The following LRP1B variants were observed in gnomAD, a reference collection of about 807,000 sequenced individuals.
LRP1B encodes LDL receptor related protein 1B.
In LRP1B, 217 loss-of-function variants were observed where a neutral mutation model predicts 556.6. That is an observed-to-expected ratio of 0.39 (90% CI 0.35 to 0.44). The LOEUF (loss-of-function observed/expected upper bound fraction) is 0.44, where lower values mean the gene tolerates loss of function less well. Ranked by LOEUF, LRP1B falls within the 20% of genes least tolerant of loss-of-function variation. The pLI, the probability that LRP1B is intolerant of heterozygous loss-of-function variation, is 1.00. For missense variants in LRP1B, 5,053 were observed against 5,620.8 expected (o/e 0.90, Z 3.23); for synonymous variants, 2,047 against 1,865.8 (o/e 1.10, Z -2.50).
intron 35 of LRP1B, among the ~76,000 whole-genome samples, chr2:140,734,351 G>A (rs796926464): frequency 5.9e-5 from 9 of 152,270 alleles, no homozygotes; most frequent in African/African-American, 2.2e-4. Flanking sequence ...CTCAGAATGT[G>A]GCACAAGGAA....
chr2:140,325,871 A>G lies in LRP1B; in HGVS notation c.12231T>C (p.Ala4077=). 1 of 1,605,134 alleles carries G rather than the reference A, an allele frequency of 6.2e-7. No individual in the cohort carries two copies. The highest frequency in any genetic ancestry group is 2.2e-5 in the East Asian group (1 of 44,602). The change falls in exon 80 of 91, where the codon GCT becomes GCC. Residue 4077 remains alanine (A), a synonymous_variant. Transcript: ENST00000389484. ...ATATGCGTTCACTAAAATAATCCAC[A>G]GCCAAACCTGCAAAATCAACACACA... ...QKNLQRPTGL[A]VDYFSERIYW...
intron 53 of LRP1B, among the ~76,000 whole-genome samples, chr2:140,505,314 G>T (rs1689362699): frequency 6.6e-6 from 1 of 152,142 alleles, no homozygotes; most frequent in Non-Finnish European, 1.5e-5. Context: ...TCCAGGACTT[G>T]AACCCAGGCT....
At chr2:140,519,817 T>C (rs1185931277) in intron 49 of LRP1B, among the ~76,000 whole-genome samples, 1 of 152,124 alleles carries the variant, frequency 6.6e-6, no homozygotes, top group Non-Finnish European at 1.5e-5. Context: ...AAACAGACAC[T>C]TCTCCAAAGA....
intron 2 of LRP1B, among the ~76,000 whole-genome samples, chr2:141,653,005 T>TAATTTTCATAATACTTTATATAATA (rs1187663981): frequency 1.3e-5 from 2 of 152,192 alleles, no homozygotes; most frequent in African/African-American, 4.8e-5. Context: ...TTCTATATTT[T>TAATTTTCATAATACTTTATATAATA]AATTTTCATA....
intron 1 of LRP1B, among the ~76,000 whole-genome samples, chr2:141,817,389 T>C (rs1696597488): frequency 6.6e-6 from 1 of 152,130 alleles, no homozygotes. Context: ...AAGCATAGCC[T>C]ACACAGTTTA....
At chr2:140,942,326 T>G (rs915890474) in intron 20 of LRP1B, among the ~76,000 whole-genome samples, 2 of 152,130 alleles carry the variant, frequency 1.3e-5, no homozygotes, top group Non-Finnish European at 2.9e-5. Context: ...TCACTGGCAT[T>G]CCAGGGAGAC....
chr2:141,972,735 A>G lies in LRP1B; in HGVS notation c.82+157913T>C, dbSNP rs114608082. Among the ~76,000 whole-genome samples the G allele has an allele frequency of 4.2e-3, 631 of 151,790 alleles. 10 individuals carry two copies. The highest frequency in any genetic ancestry group is 0.015 in the African/African-American group (607 of 41,524). On this transcript the variant is annotated intron_variant, in intron 1 of 90. Transcript: ENST00000389484. ...CCCATCTGTTTTAAACATGTTTTCA[A>G]CATTTAATAGGAAATTGAATCCTAG...
At chr2:140,525,557 T>C (rs1347218670) in intron 49 of LRP1B, among the ~76,000 whole-genome samples, 1 of 151,950 alleles carries the variant, frequency 6.6e-6, no homozygotes, top group Non-Finnish European at 1.5e-5. Flanking sequence ...TGAAGGATTA[T>C]AAATTACAAA....
rs138812337 is a variant in LRP1B, at chr2:141,160,657, A to G, written c.1013+27764T>C. ...ACTTGGAAAAAAAAAGCCAATTTCA[A>G]AAAGTTTTTAACCATAAAACTATAC... is the stretch of plus-strand genomic sequence containing the variant. On this transcript the variant is annotated intron_variant, in intron 7 of 90. Coordinates refer to ENST00000389484, the MANE Select transcript of LRP1B (RefSeq NM_018557.3). 1.7e-3 allele frequency among the ~76,000 whole-genome samples: 252 copies of G among 152,200 alleles called. 3 individuals are homozygous for G. Among genetic ancestry groups the G allele is most frequent in the East Asian group, 0.014 (71 of 5,174 alleles).
rs764826231 is a variant in LRP1B, at chr2:140,256,449, CTTTTTTTTTTTTTTTTTTT to C, written c.13248-9306_13248-9288del. Among the ~76,000 whole-genome samples, 147 of 25,334 alleles carry C rather than the reference CTTTTTTTTTTTTTTTTTTT, an allele frequency of 5.8e-3. 3 individuals are homozygous for C. The highest frequency in any genetic ancestry group is 0.016 in the African/African-American group (121 of 7,738). The allele number at this position is 25,334 out of a possible 152,430, so 16.6% of individuals were successfully genotyped here. A position where few individuals can be genotyped will look rare whatever the true frequency, so the allele number is the denominator to read the frequency against. On this transcript the variant is annotated intron_variant, in intron 86 of 90. Transcript: ENST00000389484. ...GGTTTTCTTTTCTCTTTTTTCCTTCCTTTTTTTTTTTTTTTTTTTTTTTTTTTTTTTTTTTTTTAAGACA... is the reference window on the plus strand; with the variant it reads ...GGTTTTCTTTTCTCTTTTTTCCTTCCTTTTTTTTTTTTTTTTTTTAAGACA...
intron 60 of LRP1B, among the ~76,000 whole-genome samples, chr2:140,473,046 T>C (rs1687833755): frequency 6.6e-6 from 1 of 152,056 alleles, no homozygotes; most frequent in Non-Finnish European, 1.5e-5. Context: ...TAGGAAACCA[T>C]AGCATCCTTT....
At chr2:140,248,201 G>A (rs754165737) in intron 86 of LRP1B, among the ~76,000 whole-genome samples, 4 of 151,698 alleles carry the variant, frequency 2.6e-5, no homozygotes, top group South Asian at 2.1e-4. Flanking sequence ...TGTGATAGTC[G>A]TAAAATCAGT....
chr2:140,807,384 A>G (rs1690755738), intron 32 of LRP1B, among the ~76,000 whole-genome samples: 1 of 152,048 alleles, frequency 6.6e-6, no homozygotes, highest in African/African-American at 2.4e-5. Context: ...TCTATCACCC[A>G]GGCTGGAATG....
chr2:141,885,599 A>C (rs571199171), intron 1 of LRP1B, among the ~76,000 whole-genome samples: 1 of 152,304 alleles, frequency 6.6e-6, no homozygotes, highest in African/African-American at 2.4e-5. Context: ...GAGAGTGTCT[A>C]AGGGAGAATC....
intron 7 of LRP1B, among the ~76,000 whole-genome samples, chr2:141,106,928 T>C (rs2104953809): frequency 6.6e-6 from 1 of 152,316 alleles, no homozygotes; most frequent in East Asian, 1.9e-4. Flanking sequence ...AATTTTATCA[T>C]TTTCAAGAAT....
intron 1 of LRP1B, among the ~76,000 whole-genome samples, chr2:141,966,995 T>C (rs958184570): frequency 1.3e-5 from 2 of 151,840 alleles, no homozygotes; most frequent in African/African-American, 4.8e-5. Context: ...GGACAATCAT[T>C]CCCATTTTCT....
chr2:140,301,741 T>TTA (rs952175410), intron 83 of LRP1B, among the ~76,000 whole-genome samples: 75 of 151,610 alleles, frequency 4.9e-4, no homozygotes, highest in South Asian at 2.5e-3. Flanking sequence ...GTAGTGTTGC[T>TTA]TATATATATA....
At chr2:141,898,651 A>G (rs140163673) in intron 1 of LRP1B, among the ~76,000 whole-genome samples, 2,565 of 152,274 alleles carry the variant, frequency 0.017, 44 homozygotes, top group Non-Finnish European at 0.021. Flanking sequence ...CAGACCATAT[A>G]TGAAAGCCTC....
At chr2:140,764,331 AAAAT>A (rs1227716082) in intron 35 of LRP1B, among the ~76,000 whole-genome samples, 2 of 152,156 alleles carry the variant, frequency 1.3e-5, no homozygotes, top group Non-Finnish European at 2.9e-5. Context: ...AACAATGGTC[AAAAT>A]AAACTTTTGC....
Sources: gnomAD v4.1 joint callset for allele counts (sites outside exome capture counted in the v4.1 genomes callset) on GRCh38, gnomAD v4.1.1 for gene constraint, MANE v1.5 for transcripts, NCBI Gene and HGNC (gene_info 2026-07-23, HGNC 2026-07-21) for gene names.